Variants in SLC33A1 observed in about 807,000 individuals in gnomAD.
SLC33A1 encodes acetyl-coenzyme A transporter 1.
Under a neutral mutation model 50.0 loss-of-function variants are expected in SLC33A1, and 20 were observed. The observed-to-expected ratio is 0.40, with a 90% confidence interval of 0.28 to 0.58. The LOEUF (loss-of-function observed/expected upper bound fraction) is 0.58. Ranked by LOEUF, SLC33A1 falls within the 20% of genes least tolerant of loss-of-function variation. The pLI is 0.44. For missense variants in SLC33A1, 476 were observed against 657.0 expected (o/e 0.72, Z 3.01); for synonymous variants, 265 against 251.8 (o/e 1.05, Z -0.50).
chr3:155,832,723 C>CAAAAAAA (rs11303771), intron 4 of SLC33A1, among the ~76,000 whole-genome samples: 7 of 28,102 alleles, frequency 2.5e-4, no homozygotes, highest in Non-Finnish European at 4.3e-4. Context: ...GACTCTGTCT[C>CAAAAAAA]AAAAAAAAAA....
intron 1 of SLC33A1, among the ~76,000 whole-genome samples, chr3:155,845,621 A>G (rs1158120741): frequency 1.3e-5 from 2 of 152,242 alleles, no homozygotes; most frequent in Non-Finnish European, 2.9e-5. Context: ...AGAATGAAAA[A>G]GCCAATAGTT....
In SLC33A1 at chr3:155,827,578, T is replaced by A. The variant is rs568464103; in HGVS notation, c.*632A>T. 2 of 152,334 alleles carry A rather than the reference T, an allele frequency of 1.3e-5. No homozygotes were observed. The highest frequency in any genetic ancestry group is 4.1e-4 in the South Asian group (2 of 4,820). The allele number at this position is 152,334 out of a possible 1,614,324, so 9.4% of individuals were successfully genotyped here. ...ATAAAAAATAGTTTGAATAATTTTC[T>A]TATAAATCTTTAATGCTTACAAAAG... On this transcript the variant is annotated 3_prime_UTR_variant, in exon 6 of 6. Transcript: ENST00000643144.
Position 155,825,328 on chromosome 3 carries a change from AAAG to A in SLC33A1, c.*2879_*2881del, listed in dbSNP as rs989552312. On this transcript the variant is annotated 3_prime_UTR_variant, in exon 6 of 6. Transcript: ENST00000643144. The stretch of plus-strand genomic sequence containing the variant: ...CCATGCCTGGATAATTAAAAAAAAA[AAAG>A]AAGTCATAAAGACAGGTTCTTATTA... 1 of 151,986 alleles carries A rather than the reference AAAG, an allele frequency of 6.6e-6. No individual in the cohort carries two copies. Among genetic ancestry groups the A allele is most frequent in the Admixed American group, 6.6e-5 (1 of 15,236 alleles). 9.4% of individuals were successfully genotyped at this position (151,986 alleles called of 1,614,324 possible).
intron 1 of SLC33A1, among the ~76,000 whole-genome samples, chr3:155,848,814 G>A (rs942814687): frequency 4.6e-5 from 7 of 152,182 alleles, no homozygotes; most frequent in African/African-American, 1.4e-4. Flanking sequence ...CTCCAACTCA[G>A]ATGACTCATT....
At position 155,833,489 on chromosome 3, in the gene SLC33A1, C is replaced by A; in HGVS notation, c.1245G>T (p.Leu415=). The part of the protein sequence containing the change: ...GFPIYYYIVV[L]LSYALHQVTV... ...TTACCTGATGTAAAGCATAACTCAG[C>A]AGGACTACGATATAGTAATATATAG... Residue 415 remains leucine, a synonymous_variant, in exon 4 of 6, where the codon CTG becomes CTT. Coordinates refer to ENST00000643144, the MANE Select transcript of SLC33A1 (RefSeq NM_004733.4). 2 of 1,566,444 alleles carry A rather than the reference C, an allele frequency of 1.3e-6. No individual in the cohort carries two copies. Among genetic ancestry groups the A allele is most frequent in the Non-Finnish European group, 1.8e-6 (2 of 1,136,688 alleles).
Position 155,824,381 on chromosome 3 carries a change from T to C in SLC33A1, c.*3829A>G, listed in dbSNP as rs1171782303. ...TTATATCAAATAATGGTCTCAACCA[T>C]TTAATACAAAGCAACATACTTTCTC... On this transcript the variant is annotated 3_prime_UTR_variant, in exon 6 of 6. Transcript: ENST00000643144. The C allele has an allele frequency of 6.6e-6, 1 of 152,176 alleles. No homozygotes were observed. The highest frequency in any genetic ancestry group is 6.5e-5 in the Admixed American group (1 of 15,268). The allele number at this position is 152,176 out of a possible 1,614,324, so 9.4% of individuals were successfully genotyped here. A position where few individuals can be genotyped will look rare whatever the true frequency, so the allele number is the denominator to read the frequency against.
Position 155,842,540 on chromosome 3 carries a change from T to C in SLC33A1, c.855A>G (p.Ser285=), listed in dbSNP as rs182334558. The change falls in exon 2 of 6, where the codon TCA becomes TCG. Residue 285 remains serine (S), a synonymous_variant. Coordinates refer to ENST00000643144, the MANE Select transcript of SLC33A1 (RefSeq NM_004733.4). ...VALLKKENEV[S]VVKEETQGIT... is the part of the protein sequence containing the mutation. ...TCCCTTGTGTTTCTTCTTTTACTACTGATACTTCGTTTTCTTTTTTCAGAA... is the reference window on the plus strand; with the variant it reads ...TCCCTTGTGTTTCTTCTTTTACTACCGATACTTCGTTTTCTTTTTTCAGAA... 2 of 1,605,186 alleles carry C rather than the reference T, an allele frequency of 1.2e-6. No homozygotes were observed. The highest frequency in any genetic ancestry group is 1.7e-5 in the Admixed American group (1 of 59,596).
At chr3:155,846,809 T>C (rs1303567035) in intron 1 of SLC33A1, among the ~76,000 whole-genome samples, 3 of 151,986 alleles carry the variant, frequency 2.0e-5, no homozygotes, top group East Asian at 3.9e-4. Flanking sequence ...TGTCTCCCCA[T>C]ATGGTGATAT....
chr3:155,840,347 C>T (rs1288290088), intron 2 of SLC33A1, among the ~76,000 whole-genome samples: 1 of 151,906 alleles, frequency 6.6e-6, no homozygotes, highest in Non-Finnish European at 1.5e-5. Context: ...CTTGGCCTCC[C>T]AAAGTGCTGG....
At position 155,853,570 on chromosome 3, in the gene SLC33A1, C is replaced by A; in HGVS notation, c.428G>T (p.Trp143Leu). Residue 143 changes from tryptophan to leucine, a missense_variant, in exon 1 of 6, where the codon TGG (tryptophan) becomes TTG (leucine). By Grantham distance (61) the Trp-to-Leu change is moderately conservative. Coordinates refer to ENST00000643144, the MANE Select transcript of SLC33A1 (RefSeq NM_004733.4). Reference protein sequence around the residue: ...YVKNFGRRKSWLVPTQYILGL... With the variant: ...YVKNFGRRKSLLVPTQYILGL... ...TAGTATATACTGTGTCGGGACAAGC[C>A]AAGATTTGCGACGACCGAAGTTCTT... 1 of 1,614,138 alleles carries A rather than the reference C, an allele frequency of 6.2e-7. No homozygotes were observed. Among genetic ancestry groups the A allele is most frequent in the Non-Finnish European group, 8.5e-7 (1 of 1,180,036 alleles).
chr3:155,825,204 T>G lies in SLC33A1; in HGVS notation c.*3006A>C, dbSNP rs1422653331. 6.6e-6 allele frequency: 1 copy of G among 152,092 alleles called. No individual in the cohort carries two copies. Among genetic ancestry groups the G allele is most frequent in the African/African-American group, 2.4e-5 (1 of 41,406 alleles). The allele number at this position is 152,092 out of a possible 1,614,324, so 9.4% of individuals were successfully genotyped here. ...TCACTCTGTCACCCAGACAGGAATG[T>G]AGTACCACAATCACTGCTTACTGAA... On this transcript the variant is annotated 3_prime_UTR_variant, in exon 6 of 6. Coordinates refer to ENST00000643144, the MANE Select transcript of SLC33A1 (RefSeq NM_004733.4).
intron 1 of SLC33A1, among the ~76,000 whole-genome samples, chr3:155,843,172 T>C (rs969048163): frequency 6.6e-6 from 1 of 152,122 alleles, no homozygotes. Flanking sequence ...TTACATTTAG[T>C]GTACAACTGA....
At chr3:155,848,709 A>C (rs1753279045) in intron 1 of SLC33A1, among the ~76,000 whole-genome samples, 1 of 152,020 alleles carries the variant, frequency 6.6e-6, no homozygotes, top group African/African-American at 2.4e-5. Context: ...AAGATCTAGC[A>C]ATCTTGGGAT....
chr3:155,836,326 A>AG lies in SLC33A1; in HGVS notation c.964-2286_964-2285insC, dbSNP rs1283595804. 3.1e-4 allele frequency among the ~76,000 whole-genome samples: 46 copies of AG among 146,688 alleles called. 1 individual carries two copies. Among genetic ancestry groups the AG allele is most frequent in the African/African-American group, 8.3e-4 (32 of 38,494 alleles). On this transcript the variant is annotated intron_variant, in intron 2 of 5. Transcript: ENST00000643144. ...AAAAAAAAAAAAAGGAAAGAAAGAAAAAAAGAAAGAAAGAAAAATTATAAA... is the reference window on the plus strand; with the variant it reads ...AAAAAAAAAAAAAGGAAAGAAAGAAAGAAAAGAAAGAAAGAAAAATTATAAA...
chr3:155,841,776 C>A (rs1752948005), intron 2 of SLC33A1, among the ~76,000 whole-genome samples: 1 of 151,980 alleles, frequency 6.6e-6, no homozygotes, highest in Non-Finnish European at 1.5e-5. Flanking sequence ...GAGACAGAGT[C>A]TCGCTCTGTC....
At chr3:155,841,309 C>T (rs1752924445) in intron 2 of SLC33A1, among the ~76,000 whole-genome samples, 1 of 152,120 alleles carries the variant, frequency 6.6e-6, no homozygotes, top group Non-Finnish European at 1.5e-5. Context: ...ACCTTGGCTT[C>T]CCAAAGTGCT....
At position 155,826,332 on chromosome 3, in the gene SLC33A1, A is replaced by G. The variant is rs1369431502; in HGVS notation, c.*1878T>C. 1 of 151,960 alleles carries G rather than the reference A, an allele frequency of 6.6e-6. No individual in the cohort carries two copies. Among genetic ancestry groups the G allele is most frequent in the East Asian group, 1.9e-4 (1 of 5,176 alleles). The allele number at this position is 151,960 out of a possible 1,614,324, so 9.4% of individuals were successfully genotyped here. On this transcript the variant is annotated 3_prime_UTR_variant, in exon 6 of 6. Coordinates refer to ENST00000643144, the MANE Select transcript of SLC33A1 (RefSeq NM_004733.4). ...AACCCAGGAGGCAGAGGTTGCAGTG[A>G]GCCGAGATTGCACCACTGTACTCCA...
intron 4 of SLC33A1, among the ~76,000 whole-genome samples, chr3:155,831,457 CAAAAAAAAAAAAAAAAA>C (rs397991448): frequency 1.3e-4 from 6 of 46,712 alleles, no homozygotes; most frequent in Admixed American, 3.6e-4. Flanking sequence ...GACTCTGTCT[CAAAAAAAAAAAAAAAAA>C]AAAAAAAAAA....
At chr3:155,846,028 C>T (rs896150510) in intron 1 of SLC33A1, among the ~76,000 whole-genome samples, 1 of 152,180 alleles carries the variant, frequency 6.6e-6, no homozygotes, top group African/African-American at 2.4e-5. Context: ...AAAAAACAGA[C>T]TAAATATTCT....
Sources: allele counts gnomAD v4.1 joint callset (sites outside exome capture counted in the v4.1 genomes callset), GRCh38; gene constraint gnomAD v4.1.1; transcripts MANE v1.5; gene names NCBI Gene and HGNC (gene_info 2026-07-23, HGNC 2026-07-21).